Variants in STAU1 observed in about 807,000 individuals in gnomAD.
STAU1 encodes staufen double-stranded RNA binding protein 1.
Under a neutral mutation model 62.9 loss-of-function variants are expected in STAU1, and 13 were observed. That is an observed-to-expected ratio of 0.21 (90% confidence interval 0.13 to 0.33). STAU1 has a LOEUF of 0.33. STAU1 is among the 10% of genes least tolerant of loss of function. The pLI is 1.00. For missense variants in STAU1, 571 were observed against 712.1 expected (o/e 0.80, Z 2.25); for synonymous variants, 269 against 265.1 (o/e 1.01, Z -0.14).
At chr20:49,207,233 AAG>A in the STAU1 span, among the ~76,000 whole-genome samples, 1 of 151,652 alleles carries the variant, frequency 6.6e-6, no homozygotes, top group Non-Finnish European at 1.5e-5. Flanking sequence ...AAAAAAAAAA[AAG>A]AAGCCAAAAG....
At chr20:49,199,145 C>T in the STAU1 span, among the ~76,000 whole-genome samples, 14 of 151,750 alleles carry the variant, frequency 9.2e-5, no homozygotes, top group African/African-American at 2.9e-4. Context: ...GACTCCATCT[C>T]GAAACAAAAC....
intron 3 of STAU1, 42 bp from the exon 4 acceptor site, chr20:49,154,113 G>A: frequency 1.3e-6 from 2 of 1,568,748 alleles, no homozygotes; most frequent in Non-Finnish European, 1.7e-6. Context: ...TTTCTGGTAT[G>A]AGAATGATAC....
the STAU1 span, among the ~76,000 whole-genome samples, chr20:49,212,543 G>C: frequency 6.6e-6 from 1 of 150,532 alleles, no homozygotes; most frequent in Admixed American, 6.6e-5. Context: ...GAGTTGTTTG[G>C]TTTGTAGTTG....
chr20:49,202,805 C>G, the STAU1 span, among the ~76,000 whole-genome samples: 3 of 152,012 alleles, frequency 2.0e-5, no homozygotes, highest in Non-Finnish European at 4.4e-5. Flanking sequence ...TTTTGGGAGG[C>G]TGAGGTGGGT....
rs200245918 is a variant in STAU1 at position 49,117,268 on chromosome 20, T to G, written c.1510-20A>C. On this transcript the variant is annotated intron_variant, in intron 11 of 13. Transcript: ENST00000371856. The surrounding 1 kb of genome is among the most constrained non-coding windows in gnomAD (Gnocchi z 4.6). ...TTCAACCTAAGGGGGAAAAGAGAGC[T>G]GAGGCTAGGTAGGGAACAGCAAGTA... 5 of 1,613,608 alleles carry G rather than the reference T, an allele frequency of 3.1e-6. No homozygotes were observed. The East Asian group carries it at 1.1e-4, about 36-fold the overall frequency.
the STAU1 span, among the ~76,000 whole-genome samples, chr20:49,214,891 C>T: frequency 5.1e-3 from 770 of 152,296 alleles, 8 homozygotes; most frequent in African/African-American, 0.017. Context: ...ACATTTAGTC[C>T]ATAACAGAAG....
chr20:49,124,118 T>C (rs2092534776), intron 7 of STAU1, among the ~76,000 whole-genome samples: 1 of 152,194 alleles, frequency 6.6e-6, no homozygotes, highest in South Asian at 2.1e-4. Context: ...AATACCCCAC[T>C]GTGATCGCCA....
intron 1 of STAU1, among the ~76,000 whole-genome samples, chr20:49,181,231 C>T (rs1448654736): frequency 1.3e-5 from 2 of 152,170 alleles, no homozygotes; most frequent in African/African-American, 4.8e-5. Context: ...TTCAACCTGA[C>T]CTTTTAATTC....
rs1285420247 is a variant in STAU1, at chr20:49,124,413, T to C, written c.784A>G (p.Lys262Glu). 6.2e-7 allele frequency: 1 copy of C among 1,614,234 alleles called. No individual in the cohort carries two copies. The highest frequency in any genetic ancestry group is 2.2e-5 in the East Asian group (1 of 44,888). ...TTTGTTTTCTTTTTGATTCTAGGCT[T>C]TACTCGTTCAACTGCAGGCAGGGGC... ...LPPLPAVERV[K>E]PRIKKKTKPI... is the part of the protein sequence containing the mutation. Residue 262 changes from lysine (K) to glutamate (E), a missense_variant, in exon 7 of 14, where the codon AAG becomes GAG. Around this residue, in one of 3 missense-constraint regions of STAU1, gnomAD observed 414 missense variants for 499.6 expected, o/e 0.83. Coordinates refer to ENST00000371856, the MANE Select transcript of STAU1 (RefSeq NM_017453.4).
rs2092875891 is a variant in STAU1, at chr20:49,136,062, C to A, written c.511-131G>T. 4.7e-6 allele frequency: 3 copies of A among 642,582 alleles called. No homozygotes were observed. The South Asian group carries it at 6.1e-5, about 13-fold the overall frequency. 39.8% of individuals were successfully genotyped at this position (642,582 alleles called of 1,614,324 possible). A position where few individuals can be genotyped will look rare whatever the true frequency, so the allele number is the denominator to read the frequency against. On this transcript the variant is annotated intron_variant, in intron 5 of 13. Coordinates refer to ENST00000371856, the MANE Select transcript of STAU1 (RefSeq NM_017453.4). ...ATAGCTTGAGCCCAGGAGTCTGAGA[C>A]CAGCCTGAGCAACATGGCAGTTTGA...
chr20:49,172,173 G>T (rs1172736214), intron 2 of STAU1, among the ~76,000 whole-genome samples: 1 of 152,190 alleles, frequency 6.6e-6, no homozygotes, highest in African/African-American at 2.4e-5. Context: ...CAGTTGGGAG[G>T]TCAGATGGTC....
intron 2 of STAU1, among the ~76,000 whole-genome samples, chr20:49,168,318 T>A (rs2093553459): frequency 6.6e-6 from 1 of 152,124 alleles, no homozygotes; most frequent in Non-Finnish European, 1.5e-5. Flanking sequence ...TGACCTCAGG[T>A]GATCTGCCCA....
At chr20:49,134,505 T>A in intron 6 of STAU1, 2 of 1,173,622 alleles carry the variant, frequency 1.7e-6, no homozygotes, top group Non-Finnish European at 1.3e-6. Context: ...TCTTCTCTCA[T>A]GGATCCTGAC....
At chr20:49,157,128 C>T (rs1680865781) in intron 3 of STAU1, among the ~76,000 whole-genome samples, 2 of 152,146 alleles carry the variant, frequency 1.3e-5, no homozygotes, top group Admixed American at 1.3e-4. Flanking sequence ...CCACCTGCCT[C>T]AGTCTCCCAA....
chr20:49,153,251 GAAA>G (rs71184266), intron 4 of STAU1, among the ~76,000 whole-genome samples: 2 of 99,070 alleles, frequency 2.0e-5, no homozygotes, highest in African/African-American at 3.9e-5. Context: ...CTCCGTCTCA[GAAA>G]AAAAAAAAAA....
chr20:49,218,618 T>A, the STAU1 span, among the ~76,000 whole-genome samples: 22,420 of 152,130 alleles, frequency 0.15, 2,129 homozygotes, highest in Non-Finnish European at 0.22. Context: ...CTGGAACTCC[T>A]GAGCACAAGC....
the STAU1 span, among the ~76,000 whole-genome samples, chr20:49,206,765 T>TTTTTA: frequency 3.8e-5 from 5 of 130,702 alleles, no homozygotes; most frequent in Non-Finnish European, 6.3e-5. Context: ...TATTTTATTT[T>TTTTTA]TTTTTTTTTG....
Position 49,126,588 on chromosome 20 carries a change from C to CAAAAAAAAAAAACAAAAAAAAAAACAA in STAU1, c.610-2002_610-2001insTTGTTTTTTTTTTTGTTTTTTTTTTTT. On this transcript the variant is annotated intron_variant, in intron 6 of 13. Coordinates refer to ENST00000371856, the MANE Select transcript of STAU1 (RefSeq NM_017453.4). ...GTCTCAAAAAGCAAAAAAAAAAAAACAAAAAAAAAACAAAAAAACTTAAAA... is the reference window on the plus strand; with the variant it reads ...GTCTCAAAAAGCAAAAAAAAAAAAACAAAAAAAAAAAACAAAAAAAAAAACAAAAAAAAAAAACAAAAAAACTTAAAA... Among the ~76,000 whole-genome samples, 11 of 56,358 alleles carry CAAAAAAAAAAAACAAAAAAAAAAACAA rather than the reference C, an allele frequency of 2.0e-4. No individual in the cohort carries two copies. In the East Asian group the frequency reaches 2.0e-3, roughly 10 times the overall value. The allele number at this position is 56,358 out of a possible 152,430, so 37.0% of individuals were successfully genotyped here.
intron 1 of STAU1, among the ~76,000 whole-genome samples, chr20:49,184,774 T>C (rs2093767920): frequency 6.6e-6 from 1 of 152,152 alleles, no homozygotes; most frequent in Non-Finnish European, 1.5e-5. Flanking sequence ...CTTTCCTAAA[T>C]CAATTTTAAG....
Sources: gnomAD v4.1 joint callset for allele counts (sites outside exome capture counted in the v4.1 genomes callset) on GRCh38, gnomAD v4.1.1 for gene constraint, gnomAD v4.1.1 regional missense constraint, Gnocchi (gnomAD v3.1) non-coding constraint, MANE v1.5 for transcripts, NCBI Gene and HGNC (gene_info 2026-07-23, HGNC 2026-07-21) for gene names.